DRC11: variants seen among roughly 807,000 people sequenced by gnomAD.
DRC11 encodes the protein IQ and AAA domain-containing protein 1.
the DRC11 span, among the ~76,000 whole-genome samples, chr2:236,314,688 C>G: frequency 1.3e-5 from 2 of 151,922 alleles, no homozygotes; most frequent in African/African-American, 2.4e-5. The surrounding 1 kb of genome is among the most constrained non-coding windows in gnomAD (Gnocchi z 4.5). Flanking sequence ...TAAAGTAAAA[C>G]TTAAAAATGA....
At chr2:236,324,515 T>C in the DRC11 span, 1 of 539,410 alleles carries the variant, frequency 1.9e-6, no homozygotes. The surrounding 1 kb of genome is among the most constrained non-coding windows in gnomAD (Gnocchi z 5.7). Flanking sequence ...GTTAGCGGGT[T>C]TGCGGCATCA....
the DRC11 span, among the ~76,000 whole-genome samples, chr2:236,427,575 T>A: frequency 1.3e-5 from 2 of 152,130 alleles, no homozygotes; most frequent in Admixed American, 1.3e-4. The surrounding 1 kb of genome is among the most constrained non-coding windows in gnomAD (Gnocchi z 5.9). Context: ...ATCTTTTGTA[T>A]TTCTATGGTA....
the DRC11 span, among the ~76,000 whole-genome samples, chr2:236,403,986 G>A: frequency 6.6e-6 from 1 of 151,842 alleles, no homozygotes; most frequent in African/African-American, 2.4e-5. Context: ...TAGAAACCAG[G>A]GGTCGCCTTC....
the DRC11 span, chr2:236,407,855 G>A: frequency 2.7e-4 from 94 of 343,708 alleles, no homozygotes; most frequent in Admixed American, 1.0e-3. Context: ...ATTAAGCTCC[G>A]TCTTCTACTG....
At chr2:236,343,041 C>T in the DRC11 span, among the ~76,000 whole-genome samples, 1 of 152,180 alleles carries the variant, frequency 6.6e-6, no homozygotes, top group Non-Finnish European at 1.5e-5. The surrounding 1 kb of genome is among the most constrained non-coding windows in gnomAD (Gnocchi z 6.6). Flanking sequence ...GGGGATGGTG[C>T]TGAGAGGTTC....
chr2:236,491,145 TATATATACAC>T, the DRC11 span, among the ~76,000 whole-genome samples: 1,971 of 80,914 alleles, frequency 0.024, 195 homozygotes, highest in African/African-American at 0.085. Flanking sequence ...ATATACAGTA[TATATATACAC>T]ACAGTATATA....
chr2:236,500,732 C>T, the DRC11 span, among the ~76,000 whole-genome samples: 3 of 152,146 alleles, frequency 2.0e-5, no homozygotes, highest in African/African-American at 7.2e-5. The surrounding 1 kb of genome is among the most constrained non-coding windows in gnomAD (Gnocchi z 6.3). Flanking sequence ...GATGCAGTTT[C>T]GTTCTCGTTG....
the DRC11 span, among the ~76,000 whole-genome samples, chr2:236,444,401 A>G: frequency 6.6e-6 from 1 of 152,352 alleles, no homozygotes; most frequent in Admixed American, 6.5e-5. Flanking sequence ...ATTGGTGCCA[A>G]TGTCAACAAA....
At chr2:236,446,654 C>G in the DRC11 span, among the ~76,000 whole-genome samples, 1 of 152,230 alleles carries the variant, frequency 6.6e-6, no homozygotes, top group African/African-American at 2.4e-5. The surrounding 1 kb of genome is among the most constrained non-coding windows in gnomAD (Gnocchi z 6.2). Flanking sequence ...CTGGGACCCA[C>G]AGGCCGAATG....
chr2:236,371,833 G>A, the DRC11 span, among the ~76,000 whole-genome samples: 1 of 152,102 alleles, frequency 6.6e-6, no homozygotes, highest in Non-Finnish European at 1.5e-5. The surrounding 1 kb of genome is among the most constrained non-coding windows in gnomAD (Gnocchi z 5.1). Flanking sequence ...TCCTTTCCCT[G>A]AGCATCTTAT....
chr2:236,421,202 C>T, the DRC11 span, among the ~76,000 whole-genome samples: 1 of 152,078 alleles, frequency 6.6e-6, no homozygotes, highest in African/African-American at 2.4e-5. Context: ...CAAAAAATAA[C>T]TGAGATCAGA....
the DRC11 span, among the ~76,000 whole-genome samples, chr2:236,467,619 ATAGCTAAG>A: frequency 2.6e-5 from 4 of 152,174 alleles, no homozygotes; most frequent in African/African-American, 9.7e-5. Context: ...GCCTGCACCA[ATAGCTAAG>A]TGGGTGAAAT....
chr2:236,377,138 A>G, the DRC11 span: 4 of 1,612,778 alleles, frequency 2.5e-6, no homozygotes, highest in East Asian at 4.5e-5. This position sits in a 1 kb window ranked among gnomAD's most constrained non-coding sequence, Gnocchi z 4.9. Flanking sequence ...CAGAGCCTGG[A>G]TCAGTAATCC....
the DRC11 span, among the ~76,000 whole-genome samples, chr2:236,337,697 A>T: frequency 6.6e-6 from 1 of 152,170 alleles, no homozygotes; most frequent in African/African-American, 2.4e-5. This position sits in a 1 kb window ranked among gnomAD's most constrained non-coding sequence, Gnocchi z 4.9. Flanking sequence ...CATGTTTCAA[A>T]AGAAGTGGAT....
the DRC11 span, among the ~76,000 whole-genome samples, chr2:236,402,154 T>C: frequency 6.6e-6 from 1 of 152,182 alleles, no homozygotes; most frequent in Non-Finnish European, 1.5e-5. The surrounding 1 kb of genome is among the most constrained non-coding windows in gnomAD (Gnocchi z 6.0). Flanking sequence ...AAGACAGTGC[T>C]GGGTTACACC....
the DRC11 span, among the ~76,000 whole-genome samples, chr2:236,410,925 T>C: frequency 2.3e-3 from 329 of 144,576 alleles, 2 homozygotes; most frequent in African/African-American, 8.2e-3. Context: ...AAACGTTAGA[T>C]CTAAAACCAT....
chr2:236,384,574 G>T, the DRC11 span, among the ~76,000 whole-genome samples: 1 of 152,162 alleles, frequency 6.6e-6, no homozygotes, highest in African/African-American at 2.4e-5. Context: ...TTTGTCAGAT[G>T]AGTAGGTTGC....
chr2:236,354,296 T>C, the DRC11 span, among the ~76,000 whole-genome samples: 135 of 58,948 alleles, frequency 2.3e-3, no homozygotes, highest in Non-Finnish European at 6.7e-4. Flanking sequence ...TGTTAGTGTG[T>C]ACATGTGTGC....
At chr2:236,321,244 A>C in the DRC11 span, among the ~76,000 whole-genome samples, 1 of 152,230 alleles carries the variant, frequency 6.6e-6, no homozygotes, top group African/African-American at 2.4e-5. Context: ...GGGTGGAAAT[A>C]ATCTAATTAT....
Sources: allele counts gnomAD v4.1 joint callset (sites outside exome capture counted in the v4.1 genomes callset), GRCh38; gene constraint gnomAD v4.1.1; non-coding constraint Gnocchi (gnomAD v3.1); transcripts MANE v1.5; gene names NCBI Gene and HGNC (gene_info 2026-07-23, HGNC 2026-07-21).